Variants in NFX1 observed in about 807,000 individuals in gnomAD.
NFX1 encodes the protein nuclear transcription factor, X-box binding 1.
In NFX1, 69 loss-of-function variants were observed where a neutral mutation model predicts 137.2. The ratio of observed to expected loss-of-function variants is 0.50; its 90% CI spans 0.41 to 0.61. NFX1 has a LOEUF of 0.61. Among genes scored for constraint, NFX1 ranks in the 20% least tolerant of loss-of-function variants. The pLI is 0.00. For synonymous variants in NFX1, 495 were observed against 474.1 expected, an observed-to-expected ratio of 1.04 and a Z score of -0.57; for missense variants, 1,167 against 1,391.0, an observed-to-expected ratio of 0.84 and a Z score of 2.56.
intron 23 of NFX1, among the ~76,000 whole-genome samples, chr9:33,367,972 G>T (rs569145311): frequency 6.6e-6 from 1 of 152,182 alleles, no homozygotes; most frequent in African/African-American, 2.4e-5. Flanking sequence ...GGTGGCTCAC[G>T]CCTGTAATCC....
chr9:33,356,514 T>C (rs539639420), intron 19 of NFX1, among the ~76,000 whole-genome samples: 1 of 152,312 alleles, frequency 6.6e-6, no homozygotes, highest in South Asian at 2.1e-4. Flanking sequence ...ATGTTAATAT[T>C]ATCCAGTTTA....
Position 33,294,476 on chromosome 9 carries a change from T to G in NFX1, c.82T>G (p.Ser28Ala), listed in dbSNP as rs1821272595. 1 of 1,604,566 alleles carries G rather than the reference T, an allele frequency of 6.2e-7. No individual in the cohort carries two copies. The highest frequency in any genetic ancestry group is 1.4e-5 in the African/African-American group (1 of 74,040). ...ATTCATTCCTCAGGAGAAAAAAAATTCTGGTCTAAATTGTGGGACTCAAAG... is the reference window on the plus strand; with the variant it reads ...ATTCATTCCTCAGGAGAAAAAAAATGCTGGTCTAAATTGTGGGACTCAAAG... ...AEFIPQEKKN[S>A]GLNCGTQRRL... Residue 28 changes from serine to alanine, a missense_variant, in exon 2 of 24, where the codon TCT becomes GCT. Ser to Ala is a moderately conservative substitution (Grantham distance 99). This residue lies in a region of NFX1 where 367 missense variants were observed against 386.7 expected (regional missense o/e 0.95). Coordinates refer to ENST00000379540, the MANE Select transcript of NFX1 (RefSeq NM_002504.6).
At chr9:33,291,418 C>G (rs572612634) in intron 1 of NFX1, among the ~76,000 whole-genome samples, 2 of 152,338 alleles carry the variant, frequency 1.3e-5, no homozygotes, top group East Asian at 3.9e-4. Context: ...AAATATGTCA[C>G]AGCCCACTGC....
chr9:33,343,079 G>A (rs1338789561), intron 13 of NFX1, among the ~76,000 whole-genome samples: 3 of 152,256 alleles, frequency 2.0e-5, no homozygotes, highest in Middle Eastern at 3.4e-3. Flanking sequence ...GGCCTAGTTC[G>A]TTAATAGATT....
chr9:33,316,901 G>T (rs1822183237), intron 7 of NFX1, among the ~76,000 whole-genome samples: 2 of 151,948 alleles, frequency 1.3e-5, no homozygotes, highest in South Asian at 4.1e-4. Flanking sequence ...TCTGACCCTT[G>T]ATTCTTTTGC....
chr9:33,360,798 CTT>C (rs1823964147), intron 19 of NFX1, among the ~76,000 whole-genome samples: 3 of 152,188 alleles, frequency 2.0e-5, no homozygotes, highest in Non-Finnish European at 4.4e-5. Context: ...TAGAAATTCT[CTT>C]GAAAATTTGA....
At chr9:33,335,806 T>C (rs1258669321) in intron 11 of NFX1, among the ~76,000 whole-genome samples, 1 of 152,250 alleles carries the variant, frequency 6.6e-6, no homozygotes, top group Non-Finnish European at 1.5e-5. Context: ...TATATATTCT[T>C]TTGTGCCCTG....
At chr9:33,326,780 TATAAC>T (rs1587844372) in intron 9 of NFX1, among the ~76,000 whole-genome samples, 2 of 152,210 alleles carry the variant, frequency 1.3e-5, no homozygotes, top group African/African-American at 4.8e-5. Flanking sequence ...CTTTAATAGA[TATAAC>T]ATTATATAAA....
intron 13 of NFX1, 48 bp downstream of exon 13, chr9:33,342,902 C>A (rs751044704): frequency 8.2e-7 from 1 of 1,219,636 alleles, no homozygotes; most frequent in East Asian, 2.4e-5. Flanking sequence ...TTTAGAAATT[C>A]AGACATAATA....
At position 33,290,527 on chromosome 9, in the gene NFX1, A is replaced by T; in HGVS notation, c.-46A>T. On this transcript the variant is annotated 5_prime_UTR_variant, in exon 1 of 24. Transcript: ENST00000379540. The stretch of plus-strand genomic sequence containing the variant: ...AGTCCGGGGCACGTGACCTGGTGAC[A>T]GTGCTGACTTGGCTGTACAGCTCGA... 1 of 1,610,434 alleles carries T rather than the reference A, an allele frequency of 6.2e-7. No individual in the cohort carries two copies. Among genetic ancestry groups the T allele is most frequent in the Non-Finnish European group, 8.5e-7 (1 of 1,176,784 alleles).
chr9:33,311,068 A>G (rs1396348711), intron 5 of NFX1, 38 bp from the exon 6 acceptor site: 1 of 1,605,702 alleles, frequency 6.2e-7, no homozygotes, highest in Admixed American at 1.7e-5. Flanking sequence ...GTTTGGATAC[A>G]TGGCTGTGGT....
At chr9:33,336,403 A>G (rs1823005053) in intron 11 of NFX1, among the ~76,000 whole-genome samples, 1 of 151,902 alleles carries the variant, frequency 6.6e-6, no homozygotes, top group Non-Finnish European at 1.5e-5. Context: ...TTTAGTAGAG[A>G]TGGGGTTTTA....
At chr9:33,318,449 C>T (rs1202922461) in intron 7 of NFX1, among the ~76,000 whole-genome samples, 1 of 152,214 alleles carries the variant, frequency 6.6e-6, no homozygotes, top group Non-Finnish European at 1.5e-5. Flanking sequence ...CACTCTGATG[C>T]TGTTCTTGGA....
At position 33,294,202 on chromosome 9, in the gene NFX1, T is replaced by C. The variant is rs528089274; in HGVS notation, c.26-218T>C. On this transcript the variant is annotated intron_variant, in intron 1 of 23. Coordinates refer to ENST00000379540, the MANE Select transcript of NFX1 (RefSeq NM_002504.6). ...TTACTCGACAACACTTAGCTGTCAT[T>C]GGCTATTGGTGTTTGGTTTTTGGAC... Among the ~76,000 whole-genome samples, 7 of 152,376 alleles carry C rather than the reference T, an allele frequency of 4.6e-5. 1 individual carries two copies. In the South Asian group the frequency reaches 1.4e-3, roughly 32 times the overall value.
rs1007876668 is a variant in NFX1 at position 33,338,599 on chromosome 9, C to A, written c.2115+10C>A. 6.3e-6 allele frequency: 10 copies of A among 1,580,850 alleles called. No individual in the cohort carries two copies. The South Asian group carries it at 1.1e-4, about 17-fold the overall frequency. ...TGAGATATGCTGTGTGGTAAGTGGA[C>A]TTATTAGGCATAATCAGATTCCATT... On this transcript the variant is annotated intron_variant, in intron 12 of 23. Transcript: ENST00000379540.
chr9:33,302,172 G>A (rs764322163), intron 3 of NFX1, among the ~76,000 whole-genome samples: 5 of 151,928 alleles, frequency 3.3e-5, no homozygotes, highest in South Asian at 2.1e-4. Flanking sequence ...TGATACAAGC[G>A]TACAATGTGT....
In NFX1 at chr9:33,307,395, A is replaced by T. The variant is rs929729850; in HGVS notation, c.1376+96A>T. 4 of 1,020,566 alleles carry T rather than the reference A, an allele frequency of 3.9e-6. No individual in the cohort carries two copies. In the African/African-American group the frequency reaches 4.7e-5, roughly 12 times the overall value. The allele number at this position is 1,020,566 out of a possible 1,614,324, so 63.2% of individuals were successfully genotyped here. On this transcript the variant is annotated intron_variant, in intron 5 of 23. Coordinates refer to ENST00000379540, the MANE Select transcript of NFX1 (RefSeq NM_002504.6). ...CCTGGTTAGCATGTAATGGTTTGGG[A>T]TGAAGGGTGATATGGGACCTCAGTA...
At chr9:33,302,442 G>T (rs1821605091) in intron 3 of NFX1, among the ~76,000 whole-genome samples, 1 of 143,578 alleles carries the variant, frequency 7.0e-6, no homozygotes, top group Non-Finnish European at 1.5e-5. Context: ...TCTCACTGCA[G>T]CCTTGAATTC....
chr9:33,354,890 A>G lies in NFX1; in HGVS notation c.2871A>G (p.Lys957=), dbSNP rs1355650392. 1 of 1,613,988 alleles carries G rather than the reference A, an allele frequency of 6.2e-7. No homozygotes were observed. Among genetic ancestry groups the G allele is most frequent in the South Asian group, 1.1e-5 (1 of 91,050 alleles). ...CDEECSALER[K]KRLAEAFHIS... ...AGGAGTGTTCAGCCTTGGAAAGGAA[A>G]AAGTAAGTAGTTGCAGCTGCTTTTT... The change falls in exon 19 of 24, where the codon AAA becomes AAG. Residue 957 remains lysine (K), a splice_region_variant and synonymous_variant. Transcript: ENST00000379540.
Sources: gnomAD v4.1 joint callset for allele counts (sites outside exome capture counted in the v4.1 genomes callset) on GRCh38, gnomAD v4.1.1 for gene constraint, gnomAD v4.1.1 regional missense constraint, MANE v1.5 for transcripts, NCBI Gene and HGNC (gene_info 2026-07-23, HGNC 2026-07-21) for gene names.